BAZ2B: variants seen among roughly 807,000 people sequenced by gnomAD.
The protein encoded by BAZ2B is bromodomain adjacent to zinc finger domain protein 2B.
BAZ2B carries 91 observed loss-of-function variants against 246.0 expected under a neutral mutation model. The observed-to-expected ratio is 0.37, with a 90% CI of 0.31 to 0.44. BAZ2B has a LOEUF of 0.44. BAZ2B is among the 20% of genes least tolerant of loss of function. The pLI is 1.00. For missense variants in BAZ2B, 2,332 were observed against 2,533.7 expected (o/e 0.92, Z 1.71); for synonymous variants, 855 against 860.0 (o/e 0.99, Z 0.10).
chr2:159,479,220 C>T (rs1026022738), intron 2 of BAZ2B, among the ~76,000 whole-genome samples: 18 of 152,228 alleles, frequency 1.2e-4, no homozygotes, highest in African/African-American at 4.1e-4. Flanking sequence ...CCCCTCAAAA[C>T]AGGCAAATAC....
chr2:159,409,778 G>A (rs1374938149), intron 14 of BAZ2B, among the ~76,000 whole-genome samples: 1 of 152,058 alleles, frequency 6.6e-6, no homozygotes, highest in Non-Finnish European at 1.5e-5. Flanking sequence ...AATATTAATA[G>A]ATTATTTACT....
At chr2:159,581,160 T>C (rs898766482) in intron 1 of BAZ2B, among the ~76,000 whole-genome samples, 6 of 151,882 alleles carry the variant, frequency 4.0e-5, no homozygotes, top group African/African-American at 7.3e-5. Context: ...ATTTTTACGA[T>C]CTACCCATCT....
At chr2:159,579,614 C>G (rs1468639750) in intron 1 of BAZ2B, among the ~76,000 whole-genome samples, 1 of 151,960 alleles carries the variant, frequency 6.6e-6, no homozygotes, top group Non-Finnish European at 1.5e-5. Context: ...GGCAGAGACA[C>G]AACAAAAAAA....
At chr2:159,436,148 G>T (rs1356363920) in intron 8 of BAZ2B, among the ~76,000 whole-genome samples, 2 of 152,072 alleles carry the variant, frequency 1.3e-5, no homozygotes, top group African/African-American at 2.4e-5. Flanking sequence ...TAATAATTTT[G>T]TAATCTTTTT....
intron 1 of BAZ2B, among the ~76,000 whole-genome samples, chr2:159,608,148 G>A (rs781242784): frequency 5.3e-5 from 8 of 152,192 alleles, no homozygotes; most frequent in South Asian, 2.1e-4. Context: ...GCCAAGGTGC[G>A]CAGATTGTTT....
intron 2 of BAZ2B, among the ~76,000 whole-genome samples, chr2:159,541,259 C>CTTA (rs56310950): frequency 0.057 from 8,443 of 148,244 alleles, 277 homozygotes; most frequent in Non-Finnish European, 0.074. Context: ...AACAAAAGCC[C>CTTA]TTATTATTAT....
intron 20 of BAZ2B, among the ~76,000 whole-genome samples, chr2:159,394,199 T>G (rs964029928): frequency 3.3e-5 from 5 of 152,004 alleles, no homozygotes; most frequent in Non-Finnish European, 1.5e-5. Context: ...ATTTTCTAGG[T>G]CTTTTCCCTG....
chr2:159,346,487 T>C (rs2067831568), intron 31 of BAZ2B, among the ~76,000 whole-genome samples: 1 of 152,030 alleles, frequency 6.6e-6, no homozygotes, highest in African/African-American at 2.4e-5. Flanking sequence ...GGTGGATCAC[T>C]TGAGGTCAGG....
chr2:159,382,720 C>T lies in BAZ2B; in HGVS notation c.3844G>A (p.Gly1282Ser). The T allele has an allele frequency of 6.2e-7, 1 of 1,613,564 alleles. No homozygotes were observed. Among genetic ancestry groups the T allele is most frequent in the Non-Finnish European group, 8.5e-7 (1 of 1,179,858 alleles). The part of the protein sequence containing the change: ...IDLGEEQHPL[G>S]TPTPGRKRRR... ...CGCTTGCGTCCTGGAGTGGGTGTGC[C>T]CAAGGGATGCTGCTCTTCTCCCAGA... is the stretch of plus-strand genomic sequence containing the variant. The change falls in exon 25 of 37, where the codon GGC becomes AGC. Residue 1282 changes from glycine to serine, a missense_variant. Coordinates refer to ENST00000392783, the MANE Select transcript of BAZ2B (RefSeq NM_013450.4).
intron 18 of BAZ2B, among the ~76,000 whole-genome samples, chr2:159,397,753 T>C (rs2064257290): frequency 6.6e-6 from 1 of 152,236 alleles, no homozygotes; most frequent in South Asian, 2.1e-4. Flanking sequence ...CATGTATTTT[T>C]AAATCAGTTT....
At chr2:159,462,652 A>C (rs2076553566) in intron 3 of BAZ2B, 2 of 1,021,896 alleles carry the variant, frequency 2.0e-6, no homozygotes, top group East Asian at 4.7e-5. Flanking sequence ...GAACACTGCC[A>C]TCTTCGTAAT....
intron 1 of BAZ2B, among the ~76,000 whole-genome samples, chr2:159,613,258 T>C (rs1279953456): frequency 6.6e-6 from 1 of 152,108 alleles, no homozygotes; most frequent in Non-Finnish European, 1.5e-5. Context: ...CTGAAGAGTT[T>C]AGAAGTATTT....
intron 27 of BAZ2B, among the ~76,000 whole-genome samples, chr2:159,359,614 G>A (rs978778770): frequency 4.6e-5 from 7 of 152,128 alleles, no homozygotes; most frequent in Admixed American, 4.6e-4. Flanking sequence ...TATAAGGCCA[G>A]CGTCAATACC....
intron 2 of BAZ2B, among the ~76,000 whole-genome samples, chr2:159,482,814 T>C (rs541490028): frequency 6.6e-6 from 1 of 152,304 alleles, no homozygotes; most frequent in South Asian, 2.1e-4. Context: ...AATTCAAGCA[T>C]AGTACATAAA....
At chr2:159,698,658 A>T in the BAZ2B span, among the ~76,000 whole-genome samples, 1 of 152,056 alleles carries the variant, frequency 6.6e-6, no homozygotes, top group Non-Finnish European at 1.5e-5. Context: ...GCTACTTCAT[A>T]TATTAAGAAT....
chr2:159,454,797 A>T (rs2075536652), intron 3 of BAZ2B, among the ~76,000 whole-genome samples: 1 of 152,232 alleles, frequency 6.6e-6, no homozygotes, highest in Non-Finnish European at 1.5e-5. Flanking sequence ...CAATATAAAA[A>T]TCATTTTTAG....
At chr2:159,326,894 G>A (rs1422108651) in intron 34 of BAZ2B, among the ~76,000 whole-genome samples, 2 of 152,150 alleles carry the variant, frequency 1.3e-5, no homozygotes, top group South Asian at 2.1e-4. Context: ...AGAAAGATAT[G>A]TAAACTTCTG....
At chr2:159,350,817 C>T (rs568203973) in intron 27 of BAZ2B, among the ~76,000 whole-genome samples, 82 of 152,202 alleles carry the variant, frequency 5.4e-4, no homozygotes, top group African/African-American at 1.8e-3. Flanking sequence ...AGGCAATCCA[C>T]CTGCCTTGGC....
At chr2:159,317,695 C>A (rs2062255774), downstream of BAZ2B, among the ~76,000 whole-genome samples, 1 of 151,854 alleles carries the variant, frequency 6.6e-6, no homozygotes, top group Non-Finnish European at 1.5e-5. Flanking sequence ...CCTAATTTAT[C>A]TTAAGGAAAA....
Sources: gnomAD v4.1 joint callset for allele counts (sites outside exome capture counted in the v4.1 genomes callset) on GRCh38, gnomAD v4.1.1 for gene constraint, MANE v1.5 for transcripts, NCBI Gene and HGNC (gene_info 2026-07-23, HGNC 2026-07-21) for gene names.